The following EPHA5 variants were observed in gnomAD, a reference collection of about 807,000 sequenced individuals.
The protein encoded by EPHA5 is ephrin type-A receptor 5.
Under a neutral mutation model 105.0 loss-of-function variants are expected in EPHA5, and 60 were observed. The ratio of observed to expected loss-of-function variants is 0.57; its 90% CI spans 0.46 to 0.71. The LOEUF (loss-of-function observed/expected upper bound fraction) is 0.71. Ranked by LOEUF, EPHA5 falls within the 30% of genes least tolerant of loss-of-function variation. The pLI, the probability that EPHA5 is intolerant of heterozygous loss-of-function variation, is 0.00. For synonymous variants in EPHA5, 513 were observed against 449.1 expected, an observed-to-expected ratio of 1.14 and a Z score of -1.80; for missense variants, 1,218 against 1,274.7, an observed-to-expected ratio of 0.96 and a Z score of 0.68.
intron 5 of EPHA5, among the ~76,000 whole-genome samples, chr4:65,451,108 G>A (rs1247919577): frequency 1.3e-5 from 2 of 152,118 alleles, no homozygotes; most frequent in East Asian, 3.9e-4. Flanking sequence ...ATTGTTACAT[G>A]ATAAAGCTGC....
rs1022464271 is a variant in EPHA5 at position 65,331,956 on chromosome 4, T to C, written c.2945+17A>G. On this transcript the variant is annotated intron_variant, in intron 16 of 16. Coordinates refer to ENST00000613740, the MANE Select transcript of EPHA5 (RefSeq NM_001281766.3). ...TGCCCCAGCAATTATGTAAAAATTA[T>C]CAGAAAAATTACTCACTCCAAGGTC... 7 of 1,573,264 alleles carry C rather than the reference T, an allele frequency of 4.4e-6. No homozygotes were observed. Among genetic ancestry groups the C allele is most frequent in the Non-Finnish European group, 4.3e-6 (5 of 1,160,286 alleles).
chr4:65,393,891 G>A (rs1382387627), intron 8 of EPHA5, among the ~76,000 whole-genome samples: 1 of 152,122 alleles, frequency 6.6e-6, no homozygotes, highest in African/African-American at 2.4e-5. Flanking sequence ...CACTCCTCCA[G>A]TCATACTTTC....
chr4:65,405,104 T>C (rs1262156477), intron 7 of EPHA5, among the ~76,000 whole-genome samples: 1 of 152,180 alleles, frequency 6.6e-6, no homozygotes, highest in Admixed American at 6.5e-5. Flanking sequence ...AAAACTATCT[T>C]ACGATTGGAT....
chr4:65,409,730 T>A (rs917322944), intron 7 of EPHA5, among the ~76,000 whole-genome samples: 7 of 152,186 alleles, frequency 4.6e-5, no homozygotes, highest in Non-Finnish European at 8.8e-5. Flanking sequence ...AAGGCATAAT[T>A]TTTAATAAGT....
At chr4:65,411,461 A>T (rs1004188854) in intron 7 of EPHA5, among the ~76,000 whole-genome samples, 1 of 152,090 alleles carries the variant, frequency 6.6e-6, no homozygotes, top group Non-Finnish European at 1.5e-5. Flanking sequence ...TTGAACAGGC[A>T]ATTGGAAAAT....
chr4:65,650,437 G>A (rs921802841), intron 1 of EPHA5, among the ~76,000 whole-genome samples: 1 of 151,274 alleles, frequency 6.6e-6, no homozygotes, highest in Admixed American at 6.6e-5. Context: ...GCGGGCGCCC[G>A]TAGTCCCAGC....
At chr4:65,400,266 C>G (rs1256756325) in intron 8 of EPHA5, among the ~76,000 whole-genome samples, 3 of 152,234 alleles carry the variant, frequency 2.0e-5, no homozygotes, top group East Asian at 3.9e-4. Flanking sequence ...GATTAAAGGG[C>G]AATTTCAATA....
At chr4:65,578,421 A>C (rs371376204) in intron 3 of EPHA5, among the ~76,000 whole-genome samples, 6 of 152,170 alleles carry the variant, frequency 3.9e-5, no homozygotes, top group East Asian at 1.9e-4. Context: ...AGGCACTCTC[A>C]GGGAGCCAGG....
In EPHA5 at chr4:65,320,735, G is replaced by C. The variant is rs1719578246; in HGVS notation, c.*3379C>G. ...GATATTAACTTTCCATTTTAAACTTGAAACATGAAACTGTGTCTTCACTTT... is the reference window on the plus strand; with the variant it reads ...GATATTAACTTTCCATTTTAAACTTCAAACATGAAACTGTGTCTTCACTTT... On this transcript the variant is annotated 3_prime_UTR_variant, in exon 17 of 17. Transcript: ENST00000613740. 4.3e-6 allele frequency: 1 copy of C among 229,978 alleles called. No individual in the cohort carries two copies. Among genetic ancestry groups the C allele is most frequent in the Non-Finnish European group, 8.6e-6 (1 of 116,014 alleles). The allele number at this position is 229,978 out of a possible 1,614,324, so 14.2% of individuals were successfully genotyped here.
intron 2 of EPHA5, among the ~76,000 whole-genome samples, chr4:65,625,958 C>T (rs1746110666): frequency 6.6e-6 from 1 of 151,846 alleles, no homozygotes; most frequent in African/African-American, 2.4e-5. Flanking sequence ...AAATTATCCG[C>T]GTTTGGTGGC....
chr4:65,338,809 G>A (rs984056641), intron 14 of EPHA5, among the ~76,000 whole-genome samples: 1 of 151,960 alleles, frequency 6.6e-6, no homozygotes, highest in Admixed American at 6.6e-5. Context: ...GAAATAGATA[G>A]CATTACTACT....
chr4:65,525,756 G>A (rs114053042), intron 3 of EPHA5, among the ~76,000 whole-genome samples: 2,614 of 151,944 alleles, frequency 0.017, 23 homozygotes, highest in Non-Finnish European at 0.027. Flanking sequence ...TACAGATCTA[G>A]GAGTGGTATA....
chr4:65,629,962 G>T (rs992858029), intron 2 of EPHA5, among the ~76,000 whole-genome samples: 1 of 152,110 alleles, frequency 6.6e-6, no homozygotes, highest in African/African-American at 2.4e-5. Flanking sequence ...GTGAAGCAAA[G>T]AAATCTGGTC....
chr4:65,390,705 C>T (rs933826523), intron 8 of EPHA5, among the ~76,000 whole-genome samples: 2 of 151,870 alleles, frequency 1.3e-5, no homozygotes, highest in Non-Finnish European at 2.9e-5. Context: ...AAAATAACAA[C>T]AAAATCAACT....
At chr4:65,346,015 G>A (rs1362335200) in intron 14 of EPHA5, among the ~76,000 whole-genome samples, 1 of 151,414 alleles carries the variant, frequency 6.6e-6, no homozygotes, top group Non-Finnish European at 1.5e-5. Context: ...CACCCGTCTC[G>A]GCCTCCCAAA....
At chr4:65,659,319 G>GAAAAAAAA (rs5858980) in intron 1 of EPHA5, among the ~76,000 whole-genome samples, 3 of 71,602 alleles carry the variant, frequency 4.2e-5, no homozygotes, top group African/African-American at 1.1e-4. Flanking sequence ...TAGAGTAACA[G>GAAAAAAAA]AAAAAAAAAA....
intron 3 of EPHA5, among the ~76,000 whole-genome samples, chr4:65,520,894 T>C (rs891566386): frequency 3.9e-5 from 6 of 152,102 alleles, no homozygotes; most frequent in African/African-American, 1.4e-4. Context: ...GGAGAGGATG[T>C]GGAGAAATAG....
chr4:65,400,397 A>T (rs1332007482), intron 8 of EPHA5, among the ~76,000 whole-genome samples: 2 of 152,318 alleles, frequency 1.3e-5, no homozygotes, highest in East Asian at 3.9e-4. Flanking sequence ...AATGGGAAAC[A>T]GTGAAGAGAG....
chr4:65,640,282 C>CTTTTTTTTTTTT (rs869149037), intron 2 of EPHA5, among the ~76,000 whole-genome samples: 34 of 92,214 alleles, frequency 3.7e-4, no homozygotes, highest in East Asian at 7.1e-4. Context: ...TCAGTTTTTT[C>CTTTTTTTTTTTT]TTTTTTTTTT....
Sources: allele counts gnomAD v4.1 joint callset (sites outside exome capture counted in the v4.1 genomes callset), GRCh38; gene constraint gnomAD v4.1.1; transcripts MANE v1.5; gene names NCBI Gene and HGNC (gene_info 2026-07-23, HGNC 2026-07-21).